STRN: variants seen among roughly 807,000 people sequenced by gnomAD.
The protein encoded by STRN is striatin.
STRN carries 53 observed loss-of-function variants against 96.3 expected under a neutral mutation model. The ratio of observed to expected loss-of-function variants is 0.55; its 90% CI spans 0.44 to 0.69. The LOEUF (loss-of-function observed/expected upper bound fraction) is 0.69. Among genes scored for constraint, STRN ranks in the 30% least tolerant of loss-of-function variants. STRN has a pLI of 0.00. For synonymous variants in STRN, 428 were observed against 355.9 expected (o/e 1.20, Z -2.28); for missense variants, 987 against 963.9 (o/e 1.02, Z -0.32).
chr2:36,916,321 C>T (rs565144852), intron 2 of STRN, among the ~76,000 whole-genome samples, 170 bp from the exon 3 acceptor site: 94 of 152,208 alleles, frequency 6.2e-4, no homozygotes, highest in African/African-American at 1.9e-3. Flanking sequence ...CTTGCCTTTT[C>T]GTTGTTGCTG....
intron 8 of STRN, 54 bp from the exon 9 acceptor site, chr2:36,884,129 CCAA>C: frequency 7.7e-7 from 1 of 1,290,338 alleles, no homozygotes. Flanking sequence ...AGAGAATTAT[CCAA>C]TTGCATCAAA....
intron 4 of STRN, among the ~76,000 whole-genome samples, chr2:36,904,426 T>A (rs1669765271): frequency 6.6e-6 from 1 of 152,194 alleles, no homozygotes; most frequent in African/African-American, 2.4e-5. Flanking sequence ...AAAGGTGGTA[T>A]TCAAGAACCA....
intron 15 of STRN, 25 bp downstream of exon 15, chr2:36,855,183 CACAG>C (rs1211632317): frequency 1.2e-6 from 2 of 1,602,644 alleles, no homozygotes; most frequent in Non-Finnish European, 1.7e-6. Context: ...AAAAAATAAA[CACAG>C]ACAATTTAAA....
chr2:36,966,495 G>T lies in STRN; in HGVS notation c.-32C>A. The T allele has an allele frequency of 1.4e-6, 2 of 1,390,754 alleles. No homozygotes were observed. 86.2% of individuals were successfully genotyped at this position (1,390,754 alleles called of 1,614,324 possible). ...CGCAGATACCCGGGGAGCTGCCCCG[G>T]CGCCCAGCAGCGGAGGCAACAGCGG... On this transcript the variant is annotated 5_prime_UTR_variant, in exon 1 of 18. Coordinates refer to ENST00000263918, the MANE Select transcript of STRN (RefSeq NM_003162.4).
chr2:36,894,489 T>C (rs1439721850), intron 6 of STRN, among the ~76,000 whole-genome samples: 1 of 152,198 alleles, frequency 6.6e-6, no homozygotes, highest in Non-Finnish European at 1.5e-5. Flanking sequence ...TAGAAATAAC[T>C]CTGGAATCAC....
intron 2 of STRN, among the ~76,000 whole-genome samples, chr2:36,917,979 T>C (rs1670154052): frequency 6.6e-6 from 1 of 152,150 alleles, no homozygotes. Flanking sequence ...GGATACATAA[T>C]ACGTAAGATA....
intron 2 of STRN, among the ~76,000 whole-genome samples, chr2:36,916,859 C>A (rs1002586243): frequency 3.3e-5 from 5 of 151,788 alleles, no homozygotes; most frequent in Admixed American, 6.6e-5. Context: ...CGGATTTAAC[C>A]ATGAGACTAG....
intron 1 of STRN, among the ~76,000 whole-genome samples, chr2:36,938,035 A>G (rs530645249): frequency 6.6e-6 from 1 of 152,338 alleles, no homozygotes; most frequent in African/African-American, 2.4e-5. Context: ...AAAGAATCTA[A>G]AAAGTGTACT....
rs905883265 is a variant in STRN, at chr2:36,838,367, G to T, written c.*11089C>A. Among the ~76,000 whole-genome samples, 2 of 152,122 alleles carry T rather than the reference G, an allele frequency of 1.3e-5. No individual in the cohort carries two copies. Among genetic ancestry groups the T allele is most frequent in the Admixed American group, 6.6e-5 (1 of 15,264 alleles). On this transcript the variant is annotated 3_prime_UTR_variant, in exon 18 of 18. Transcript: ENST00000263918. Reference sequence around the variant, plus strand: ...AGCCTTGTTGGGCCTTGAACAGACAGCCCAGTTGAGTTTCCCTGGAGTTCT... The same window carrying T: ...AGCCTTGTTGGGCCTTGAACAGACATCCCAGTTGAGTTTCCCTGGAGTTCT...
At chr2:36,949,166 C>A (rs1358359823) in intron 1 of STRN, among the ~76,000 whole-genome samples, 2 of 152,156 alleles carry the variant, frequency 1.3e-5, no homozygotes, top group Non-Finnish European at 2.9e-5. Flanking sequence ...TAGTAACATG[C>A]TATACAGGTT....
Position 36,927,920 on chromosome 2 carries a change from G to A in STRN, c.235-2712C>T, listed in dbSNP as rs533914196. On this transcript the variant is annotated intron_variant, in intron 1 of 17. Transcript: ENST00000263918. ...ACATATGTGAAATTATGTAATACAT[G>A]ACTGATAAAACACAGACAAGAATAT... 1.7e-3 allele frequency among the ~76,000 whole-genome samples: 258 copies of A among 152,186 alleles called. 1 individual carries two copies. Among genetic ancestry groups the A allele is most frequent in the African/African-American group, 5.9e-3 (243 of 41,520 alleles).
intron 6 of STRN, among the ~76,000 whole-genome samples, chr2:36,894,856 CCT>C (rs1381502572): frequency 6.6e-6 from 1 of 152,058 alleles, no homozygotes; most frequent in Non-Finnish European, 1.5e-5. Flanking sequence ...CTTGTATGGC[CCT>C]GTTCCCATGC....
chr2:36,874,715 G>GT (rs1318987847), intron 10 of STRN, among the ~76,000 whole-genome samples: 10 of 103,744 alleles, frequency 9.6e-5, no homozygotes, highest in South Asian at 7.3e-4. Flanking sequence ...TATGTTTAGA[G>GT]TTAAAAAAAA....
intron 16 of STRN, among the ~76,000 whole-genome samples, 164 bp downstream of exon 16, chr2:36,850,836 A>G (rs535133682): frequency 1.2e-4 from 18 of 152,308 alleles, no homozygotes; most frequent in African/African-American, 3.6e-4. Flanking sequence ...GACTAGTCTT[A>G]GCAGATTTGG....
At chr2:36,958,796 C>G (rs76325452) in intron 1 of STRN, among the ~76,000 whole-genome samples, 1 of 152,236 alleles carries the variant, frequency 6.6e-6, no homozygotes, top group African/African-American at 2.4e-5. Context: ...TCCACAAATT[C>G]AAGGAGTCTA....
intron 9 of STRN, among the ~76,000 whole-genome samples, chr2:36,882,711 G>C (rs905325305): frequency 2.6e-5 from 4 of 152,146 alleles, no homozygotes; most frequent in Non-Finnish European, 4.4e-5. Context: ...CAAGGTTGTG[G>C]TGAGCTGTGA....
rs1005698750 is a variant in STRN at position 36,882,524 on chromosome 2, T to C, written c.1186+1408A>G. Among the ~76,000 whole-genome samples the C allele has an allele frequency of 3.9e-5, 6 of 152,154 alleles. No homozygotes were observed. The South Asian group carries it at 1.2e-3, about 32-fold the overall frequency. On this transcript the variant is annotated intron_variant, in intron 9 of 17. Coordinates refer to ENST00000263918, the MANE Select transcript of STRN (RefSeq NM_003162.4). ...GCTCATGCCTGTAATCCCAGCACTTTGGGAGGCCGACGCAGTTGGATCACT... is the reference window on the plus strand; with the variant it reads ...GCTCATGCCTGTAATCCCAGCACTTCGGGAGGCCGACGCAGTTGGATCACT...
rs1213529269 is a variant in STRN, at chr2:36,861,175, G to A, written c.1626C>T (p.Gly542=). ...CGATGTTGGGATTAGTGGTATTCCA[G>A]CCCTGGATCAGTCCATCAGTACCAC... ...YSGGTDGLIQ[G]WNTTNPNIDP... Residue 542 remains glycine, a synonymous_variant, in exon 13 of 18, where the codon GGC becomes GGT. Transcript: ENST00000263918. The A allele has an allele frequency of 6.2e-7, 1 of 1,613,826 alleles. No individual in the cohort carries two copies. Among genetic ancestry groups the A allele is most frequent in the East Asian group, 2.2e-5 (1 of 44,870 alleles).
chr2:36,946,801 T>G (rs770840586), intron 1 of STRN, among the ~76,000 whole-genome samples: 1 of 152,244 alleles, frequency 6.6e-6, no homozygotes, highest in Non-Finnish European at 1.5e-5. Flanking sequence ...AAATAAGAAC[T>G]AAAACTGTTT....
Sources: allele counts gnomAD v4.1 joint callset (sites outside exome capture counted in the v4.1 genomes callset), GRCh38; gene constraint gnomAD v4.1.1; transcripts MANE v1.5; gene names NCBI Gene and HGNC (gene_info 2026-07-23, HGNC 2026-07-21).